DNAH11: variants seen among roughly 807,000 people sequenced by gnomAD.
The protein encoded by DNAH11 is dynein axonemal heavy chain 11.
Under a neutral mutation model 526.0 loss-of-function variants are expected in DNAH11, and 442 were observed. That is an observed-to-expected ratio of 0.84 (90% CI 0.78 to 0.91). The LOEUF is 0.91. DNAH11 is among the 40% of genes least tolerant of loss of function. The pLI is 0.00. For missense variants in DNAH11, 6,989 were observed against 5,448.7 expected, an observed-to-expected ratio of 1.28 and a Z score of -8.90; for synonymous variants, 2,461 against 1,935.9, an observed-to-expected ratio of 1.27 and a Z score of -7.12.
chr7:21,732,818 A>G lies in DNAH11; in HGVS notation c.7441-2822A>G, dbSNP rs1249730029. On this transcript the variant is annotated intron_variant, in intron 45 of 81. Coordinates refer to ENST00000409508, the MANE Select transcript of DNAH11 (RefSeq NM_001277115.2). Reference sequence around the variant, plus strand: ...ATGTCTCTAGTGGTTCCAGAAGACAACTTCAAAGGAGGCAGGGACTTTCTC... The same window carrying G: ...ATGTCTCTAGTGGTTCCAGAAGACAGCTTCAAAGGAGGCAGGGACTTTCTC... 2.0e-5 allele frequency among the ~76,000 whole-genome samples: 3 copies of G among 152,206 alleles called. No individual in the cohort carries two copies. The East Asian group carries it at 5.8e-4, about 29-fold the overall frequency.
At chr7:21,757,730 G>T (rs192021821) in intron 54 of DNAH11, among the ~76,000 whole-genome samples, 1 of 152,278 alleles carries the variant, frequency 6.6e-6, no homozygotes, top group Admixed American at 6.5e-5. Context: ...CTCACACAGC[G>T]TCATGTGCAG....
rs6461583 is a variant in DNAH11 at position 21,577,249 on chromosome 7, G to A, written c.1594-4656G>A. Among the ~76,000 whole-genome samples, 252 of 152,112 alleles carry A rather than the reference G, an allele frequency of 1.7e-3. 1 individual carries two copies. Among genetic ancestry groups the A allele is most frequent in the African/African-American group, 5.7e-3 (237 of 41,504 alleles). On this transcript the variant is annotated intron_variant, in intron 8 of 81. Transcript: ENST00000409508. ...AAAGAAGATTTGTAAGCCATCAACTGTCCACTCTAGCCAAACACCATGGAA... is the reference window on the plus strand; with the variant it reads ...AAAGAAGATTTGTAAGCCATCAACTATCCACTCTAGCCAAACACCATGGAA...
intron 61 of DNAH11, among the ~76,000 whole-genome samples, chr7:21,790,157 A>G (rs1788414763): frequency 6.6e-6 from 1 of 152,024 alleles, no homozygotes; most frequent in Non-Finnish European, 1.5e-5. Context: ...TGCTTAGAAA[A>G]TATTTTCGGC....
intron 20 of DNAH11, among the ~76,000 whole-genome samples, chr7:21,611,754 G>A (rs1272803829): frequency 6.6e-6 from 1 of 152,166 alleles, no homozygotes; most frequent in Non-Finnish European, 1.5e-5. Context: ...GGTAGTGGAT[G>A]ATGTCTTTCA....
At chr7:21,672,424 T>G (rs1231357738) in intron 30 of DNAH11, among the ~76,000 whole-genome samples, 1 of 152,196 alleles carries the variant, frequency 6.6e-6, no homozygotes, top group African/African-American at 2.4e-5. Context: ...TAGGTAGGAC[T>G]ACAGAGGCTT....
intron 74 of DNAH11, among the ~76,000 whole-genome samples, chr7:21,876,722 T>C (rs1271676090): frequency 6.6e-6 from 1 of 152,224 alleles, no homozygotes; most frequent in East Asian, 1.9e-4. Context: ...CATATCCACA[T>C]TCCTGACAGG....
Position 21,635,884 on chromosome 7 carries a change from CTCT to C in DNAH11, c.4520_4522del (p.Leu1507del). The stretch of plus-strand genomic sequence containing the variant: ...CCTTTATTTTAGGTTCAGTTGCAGA[CTCT>C]TCTTCAAAGCAAGTATGTAGAATAT... On this transcript the variant is annotated inframe_deletion, in exon 26 of 82. Coordinates refer to ENST00000409508, the MANE Select transcript of DNAH11 (RefSeq NM_001277115.2). The C allele has an allele frequency of 6.2e-7, 1 of 1,610,572 alleles. No homozygotes were observed. Among genetic ancestry groups the C allele is most frequent in the South Asian group, 1.1e-5 (1 of 90,290 alleles).
In DNAH11 at chr7:21,687,232, T is replaced by C; in HGVS notation, c.5755T>C (p.Cys1919Arg). The C allele has an allele frequency of 3.1e-6, 5 of 1,594,228 alleles. No homozygotes were observed. Among genetic ancestry groups the C allele is most frequent in the Non-Finnish European group, 4.3e-6 (5 of 1,170,988 alleles). Residue 1919 changes from cysteine (C) to arginine (R), a missense_variant, in exon 33 of 82, where the codon TGT becomes CGT. Physicochemically the swap from Cys to Arg is radical, Grantham distance 180. Transcript: ENST00000409508. ...ALGMMVYVFN[C>R]SEQMDYKSIG... is the part of the protein sequence containing the mutation. ...TGGCATGATGGTCTATGTATTCAAC[T>C]GTTCAGAGCAAATGGACTACAAAGT...
chr7:21,899,075 C>T (rs1216033265), intron 79 of DNAH11, among the ~76,000 whole-genome samples: 1 of 152,210 alleles, frequency 6.6e-6, no homozygotes, highest in Non-Finnish European at 1.5e-5. Flanking sequence ...AAAGCTGTTG[C>T]ATAAATGGAA....
intron 48 of DNAH11, among the ~76,000 whole-genome samples, chr7:21,740,756 C>A (rs2965360): frequency 0.65 from 98,720 of 151,770 alleles, 32,651 homozygotes; most frequent in Non-Finnish European, 0.72. Flanking sequence ...ACAATTGCTG[C>A]ATCATATCGG....
intron 36 of DNAH11, among the ~76,000 whole-genome samples, chr7:21,701,633 C>T (rs954802861): frequency 3.3e-5 from 5 of 152,110 alleles, no homozygotes; most frequent in East Asian, 1.9e-4. Context: ...TTTTTCATTT[C>T]GTTCCCTTTT....
intron 75 of DNAH11, among the ~76,000 whole-genome samples, chr7:21,882,874 A>G (rs1015860590): frequency 5.3e-5 from 8 of 152,252 alleles, no homozygotes; most frequent in South Asian, 2.1e-4. Flanking sequence ...ATAATTATTG[A>G]AAAGAACAGA....
At chr7:21,646,654 G>A (rs4722041) in intron 28 of DNAH11, among the ~76,000 whole-genome samples, 58,354 of 151,968 alleles carry the variant, frequency 0.38, 13,030 homozygotes, top group Non-Finnish European at 0.51. Context: ...GTGAGCTCCA[G>A]CAGGGCAAGA....
chr7:21,615,916 T>A (rs934196602), intron 21 of DNAH11, among the ~76,000 whole-genome samples: 1 of 152,216 alleles, frequency 6.6e-6, no homozygotes, highest in Non-Finnish European at 1.5e-5. Flanking sequence ...AATAATCTAC[T>A]TATCAATTTA....
intron 8 of DNAH11, among the ~76,000 whole-genome samples, chr7:21,577,633 G>A (rs981930970): frequency 6.6e-6 from 1 of 152,170 alleles, no homozygotes; most frequent in East Asian, 1.9e-4. Flanking sequence ...GTAACAAGGA[G>A]CCCCGCCCAC....
chr7:21,778,469 G>A (rs1467270042), intron 56 of DNAH11, among the ~76,000 whole-genome samples: 1 of 152,160 alleles, frequency 6.6e-6, no homozygotes, highest in Non-Finnish European at 1.5e-5. Flanking sequence ...CTATCAGTGG[G>A]CATTTTAATA....
chr7:21,582,166 A>G (rs1562677681), intron 9 of DNAH11, 145 bp downstream of exon 9: 3 of 586,088 alleles, frequency 5.1e-6, no homozygotes, highest in Non-Finnish European at 9.0e-6. Context: ...TGAATAATAA[A>G]CTTTGAATAG....
intron 65 of DNAH11, among the ~76,000 whole-genome samples, chr7:21,826,406 G>T (rs1169022639): frequency 6.6e-6 from 1 of 152,124 alleles, no homozygotes; most frequent in African/African-American, 2.4e-5. Context: ...TGCAGTAAAA[G>T]TTGGGAGAAA....
chr7:21,544,553 G>C (rs1782735505), intron 1 of DNAH11, among the ~76,000 whole-genome samples: 1 of 152,180 alleles, frequency 6.6e-6, no homozygotes, highest in South Asian at 2.1e-4. Flanking sequence ...GGAAATGTTA[G>C]CATGTTTTGG....
Sources: allele counts gnomAD v4.1 joint callset (sites outside exome capture counted in the v4.1 genomes callset), GRCh38; gene constraint gnomAD v4.1.1; transcripts MANE v1.5; gene names NCBI Gene and HGNC (gene_info 2026-07-23, HGNC 2026-07-21).